The following SFRP1 variants were observed in gnomAD, a reference collection of about 807,000 sequenced individuals.
The protein encoded by SFRP1 is secreted frizzled related protein 1.
Under a neutral mutation model 25.9 loss-of-function variants are expected in SFRP1, and 9 were observed. The observed-to-expected ratio is 0.35, with a 90% CI of 0.21 to 0.61. SFRP1 has a LOEUF of 0.61. SFRP1 is among the 20% of genes least tolerant of loss of function. The probability of loss-of-function intolerance (pLI) is 0.78; values close to 1 mark genes in which losing one functional copy is unlikely to be tolerated. For synonymous variants in SFRP1, 178 were observed against 174.0 expected (o/e 1.02, Z -0.18); for missense variants, 346 against 418.2 (o/e 0.83, Z 1.51).
chr8:41,299,079 C>A (rs1324440830), intron 2 of SFRP1, among the ~76,000 whole-genome samples: 1 of 152,116 alleles, frequency 6.6e-6, no homozygotes, highest in Non-Finnish European at 1.5e-5. Flanking sequence ...CGGCCTCCAT[C>A]TCTTCACCGC....
At chr8:41,291,655 C>G (rs1383582777) in intron 2 of SFRP1, among the ~76,000 whole-genome samples, 1 of 152,140 alleles carries the variant, frequency 6.6e-6, no homozygotes, top group African/African-American at 2.4e-5. Context: ...GATGGTAAGG[C>G]CTGGTAGAGC....
intron 1 of SFRP1, chr8:41,306,598 T>A: frequency 8.5e-7 from 1 of 1,179,124 alleles, no homozygotes. Flanking sequence ...TGGTGTGCCA[T>A]CTCAGGGCAG....
intron 2 of SFRP1, among the ~76,000 whole-genome samples, chr8:41,296,745 T>G (rs573960530): frequency 6.6e-6 from 1 of 152,008 alleles, no homozygotes; most frequent in South Asian, 2.1e-4. Flanking sequence ...GGCTCTGAAG[T>G]CCCTCAAACA....
chr8:41,273,825 C>T (rs1168315251), intron 2 of SFRP1, among the ~76,000 whole-genome samples: 1 of 152,094 alleles, frequency 6.6e-6, no homozygotes, highest in Non-Finnish European at 1.5e-5. Flanking sequence ...TCAGAGGAGA[C>T]TGACATGTGA....
At chr8:41,277,906 T>A (rs1803590065) in intron 2 of SFRP1, among the ~76,000 whole-genome samples, 1 of 152,252 alleles carries the variant, frequency 6.6e-6, no homozygotes, top group Non-Finnish European at 1.5e-5. Context: ...CCACTGTGCC[T>A]GGCCAGAAAT....
At chr8:41,299,147 G>A (rs1453028186) in intron 2 of SFRP1, among the ~76,000 whole-genome samples, 2 of 148,160 alleles carry the variant, frequency 1.3e-5, no homozygotes, top group Non-Finnish European at 3.0e-5. Context: ...AAGAGACACA[G>A]GCTCTCAGCT....
At chr8:41,291,740 G>A (rs556512225) in intron 2 of SFRP1, among the ~76,000 whole-genome samples, 3 of 152,214 alleles carry the variant, frequency 2.0e-5, no homozygotes, top group Non-Finnish European at 4.4e-5. Context: ...CACACACCAC[G>A]CAGTCAGCCT....
chr8:41,308,971 C>T lies in SFRP1; in HGVS notation c.189G>A (p.Ala63=), dbSNP rs1804034261. 5 of 1,613,302 alleles carry T rather than the reference C, an allele frequency of 3.1e-6. No homozygotes were observed. Among genetic ancestry groups the T allele is most frequent in the Non-Finnish European group, 2.5e-6 (3 of 1,179,950 alleles). ...CCACGTTGTGGCACAGCCGCAGGTCCGCGGGGATGTCCACGCACTGAGGTG... is the reference window on the plus strand; with the variant it reads ...CCACGTTGTGGCACAGCCGCAGGTCTGCGGGGATGTCCACGCACTGAGGTG... The part of the protein sequence containing the change: ...TKPPQCVDIP[A]DLRLCHNVGY... The change falls in exon 1 of 3, where the codon GCG becomes GCA. Residue 63 remains alanine (A), a synonymous_variant. Transcript: ENST00000220772.
At chr8:41,289,940 C>T (rs1211879955) in intron 2 of SFRP1, among the ~76,000 whole-genome samples, 2 of 152,226 alleles carry the variant, frequency 1.3e-5, no homozygotes, top group Non-Finnish European at 2.9e-5. Context: ...TCGGGCCTCA[C>T]CAGTGGAGAC....
intron 2 of SFRP1, among the ~76,000 whole-genome samples, chr8:41,281,407 CAG>C (rs1187672469): frequency 2.0e-5 from 3 of 152,238 alleles, no homozygotes; most frequent in Non-Finnish European, 4.4e-5. Flanking sequence ...CAGCCACAGA[CAG>C]GGGAAAATGA....
intron 2 of SFRP1, chr8:41,298,081 TA>T (rs1278916867): frequency 6.6e-6 from 1 of 152,178 alleles, no homozygotes; most frequent in Non-Finnish European, 1.5e-5. Context: ...CTTCAGTCAG[TA>T]ACGTGAGGGC....
intron 2 of SFRP1, among the ~76,000 whole-genome samples, chr8:41,274,796 A>T (rs1398237991): frequency 6.6e-6 from 1 of 152,222 alleles, no homozygotes; most frequent in Admixed American, 6.5e-5. Flanking sequence ...TCAAAAATTT[A>T]AAATTTAAAA....
At chr8:41,276,934 C>A in intron 2 of SFRP1, 2 of 456,394 alleles carry the variant, frequency 4.4e-6, no homozygotes, top group South Asian at 3.1e-5. Flanking sequence ...TGCACACACA[C>A]TCGCCAGCAT....
Position 41,262,803 on chromosome 8 carries a change from G to C in SFRP1, c.*2364C>G, listed in dbSNP as rs947735692. 6.6e-6 allele frequency: 1 copy of C among 152,214 alleles called. No homozygotes were observed. The highest frequency in any genetic ancestry group is 1.5e-5 in the Non-Finnish European group (1 of 68,050). The allele number at this position is 152,214 out of a possible 1,614,324, so 9.4% of individuals were successfully genotyped here. On this transcript the variant is annotated 3_prime_UTR_variant, in exon 3 of 3. Transcript: ENST00000220772. ...GATAGTGCAGCTCTGTGCCTACAGA[G>C]AGCCTCCCTTTTGGTTCTGAAATTG...
At chr8:41,293,067 A>G (rs1394158910) in intron 2 of SFRP1, among the ~76,000 whole-genome samples, 1 of 152,196 alleles carries the variant, frequency 6.6e-6, no homozygotes, top group Non-Finnish European at 1.5e-5. Flanking sequence ...TTGCCTGTGC[A>G]CTTCTCAGCA....
At chr8:41,282,386 G>A (rs1486802105) in intron 2 of SFRP1, among the ~76,000 whole-genome samples, 1 of 152,038 alleles carries the variant, frequency 6.6e-6, no homozygotes, top group African/African-American at 2.4e-5. Flanking sequence ...GGTCGTGTGG[G>A]CCTGTAGTCC....
At chr8:41,296,504 T>TG (rs1432995551) in intron 2 of SFRP1, among the ~76,000 whole-genome samples, 1 of 138,374 alleles carries the variant, frequency 7.2e-6, no homozygotes, top group South Asian at 2.4e-4. Flanking sequence ...TTTGTTCTTC[T>TG]GGAAAAAAAA....
At chr8:41,295,245 C>A (rs953538532) in intron 2 of SFRP1, among the ~76,000 whole-genome samples, 6 of 152,134 alleles carry the variant, frequency 3.9e-5, no homozygotes, top group African/African-American at 1.4e-4. Flanking sequence ...CCTGTAATCC[C>A]AGCTACTCAG....
chr8:41,297,653 C>CT (rs1158771059), intron 2 of SFRP1, among the ~76,000 whole-genome samples: 1 of 152,062 alleles, frequency 6.6e-6, no homozygotes, highest in African/African-American at 2.4e-5. Flanking sequence ...CCATAGTTTG[C>CT]TGATGAGGAG....
Sources: allele counts gnomAD v4.1 joint callset (sites outside exome capture counted in the v4.1 genomes callset), GRCh38; gene constraint gnomAD v4.1.1; transcripts MANE v1.5; gene names NCBI Gene and HGNC (gene_info 2026-07-23, HGNC 2026-07-21).